NRG3: variants seen among roughly 807,000 people sequenced by gnomAD.
NRG3 encodes the protein pro-neuregulin-3, membrane-bound isoform.
NRG3 carries 31 observed loss-of-function variants against 66.9 expected under a neutral mutation model. The ratio of observed to expected loss-of-function variants is 0.46; its 90% confidence interval spans 0.35 to 0.63. The LOEUF is 0.63. Among genes scored for constraint, NRG3 ranks in the 20% least tolerant of loss-of-function variants. The pLI is 0.00. For missense variants in NRG3, 910 were observed against 878.9 expected, an observed-to-expected ratio of 1.04 and a Z score of -0.45; for synonymous variants, 393 against 359.4, an observed-to-expected ratio of 1.09 and a Z score of -1.06.
intron 1 of NRG3, among the ~76,000 whole-genome samples, chr10:82,342,958 A>G (rs1010529995): frequency 6.6e-6 from 1 of 152,076 alleles, no homozygotes; most frequent in Admixed American, 6.6e-5. Context: ...GGTAAGAGAT[A>G]TGGGTATGGT....
At chr10:82,267,806 T>C (rs2078380859) in intron 1 of NRG3, among the ~76,000 whole-genome samples, 1 of 152,144 alleles carries the variant, frequency 6.6e-6, no homozygotes, top group Non-Finnish European at 1.5e-5. Flanking sequence ...GCATTATCTC[T>C]GGAAAGAAGG....
At chr10:82,140,091 A>C (rs2069658809) in intron 1 of NRG3, among the ~76,000 whole-genome samples, 1 of 152,178 alleles carries the variant, frequency 6.6e-6, no homozygotes, top group Admixed American at 6.5e-5. Context: ...TCAGGCTAAG[A>C]CATCAGCAGT....
intron 6 of NRG3, among the ~76,000 whole-genome samples, chr10:82,965,026 T>C (rs10787519): frequency 0.36 from 55,331 of 152,046 alleles, 10,610 homozygotes; most frequent in East Asian, 0.66. Context: ...GCATTTGCAT[T>C]AGCCGGCACT....
intron 1 of NRG3, among the ~76,000 whole-genome samples, chr10:82,284,652 TA>T (rs1227892273): frequency 6.6e-6 from 1 of 152,236 alleles, no homozygotes; most frequent in Non-Finnish European, 1.5e-5. Flanking sequence ...TTCTCTCATT[TA>T]AAAAAATCTC....
intron 1 of NRG3, among the ~76,000 whole-genome samples, chr10:82,350,707 T>G (rs986981737): frequency 6.6e-6 from 1 of 152,178 alleles, no homozygotes; most frequent in African/African-American, 2.4e-5. Flanking sequence ...CCAGTATTAT[T>G]GGAGCTCAAG....
chr10:82,794,230 A>C (rs970223847), intron 3 of NRG3, among the ~76,000 whole-genome samples: 8 of 152,152 alleles, frequency 5.3e-5, no homozygotes, highest in African/African-American at 1.7e-4. Context: ...TGGTGGAAGA[A>C]AAACAAACTT....
intron 1 of NRG3, among the ~76,000 whole-genome samples, chr10:81,958,021 T>A (rs956781009): frequency 1.3e-5 from 2 of 152,196 alleles, no homozygotes; most frequent in Admixed American, 1.3e-4. Context: ...AGTAGTCAAC[T>A]ACTAGGGGTT....
At chr10:82,104,088 G>C (rs1389180321) in intron 1 of NRG3, among the ~76,000 whole-genome samples, 1 of 151,628 alleles carries the variant, frequency 6.6e-6, no homozygotes, top group East Asian at 1.9e-4. Context: ...CATACTGTTT[G>C]TTCTTCAATT....
intron 2 of NRG3, among the ~76,000 whole-genome samples, chr10:82,693,055 C>T (rs1246994009): frequency 1.3e-5 from 2 of 152,130 alleles, no homozygotes; most frequent in East Asian, 3.9e-4. Context: ...CCCCAGGTTG[C>T]CTCTGCCCAC....
chr10:82,404,528 C>T (rs2087355550), intron 2 of NRG3, among the ~76,000 whole-genome samples: 1 of 152,112 alleles, frequency 6.6e-6, no homozygotes, highest in Non-Finnish European at 1.5e-5. Context: ...ATCTTGCTAT[C>T]TCAATCATTA....
At chr10:82,753,004 G>A (rs1176409932) in intron 3 of NRG3, among the ~76,000 whole-genome samples, 2 of 152,170 alleles carry the variant, frequency 1.3e-5, no homozygotes, top group Non-Finnish European at 2.9e-5. Context: ...ACTTTAAGTA[G>A]TATATAGAAT....
At chr10:82,764,491 T>C (rs1450364366) in intron 3 of NRG3, among the ~76,000 whole-genome samples, 1 of 150,754 alleles carries the variant, frequency 6.6e-6, no homozygotes, top group East Asian at 2.0e-4. Context: ...GCCTCCCGAG[T>C]AGCTGAGATT....
rs924829675 is a variant in NRG3 at position 82,539,248 on chromosome 10, TTTGTGCAA to T, written c.953+180385_953+180392del. On this transcript the variant is annotated intron_variant, in intron 2 of 8. Transcript: ENST00000372141. ...TCTGCATGGACTGCATGATAAGGGTTTTGTGCAATTGTTAAAGCATGAGCTCTAACTTT... is the reference window on the plus strand; with the variant it reads ...TCTGCATGGACTGCATGATAAGGGTTTTGTTAAAGCATGAGCTCTAACTTT... 1.1e-3 allele frequency among the ~76,000 whole-genome samples: 168 copies of T among 152,334 alleles called. 1 individual carries two copies. The highest frequency in any genetic ancestry group is 3.7e-3 in the African/African-American group (155 of 41,582).
chr10:82,610,362 A>T (rs900696574), intron 2 of NRG3, among the ~76,000 whole-genome samples: 1 of 152,174 alleles, frequency 6.6e-6, no homozygotes, highest in African/African-American at 2.4e-5. Context: ...GGACCTCTTC[A>T]GGGGAACCAT....
intron 2 of NRG3, among the ~76,000 whole-genome samples, chr10:82,712,375 G>A (rs1932271): frequency 0.22 from 33,692 of 152,018 alleles, 3,964 homozygotes; most frequent in Middle Eastern, 0.35. Flanking sequence ...TGTTTCCGAC[G>A]TGAAAGGGAA....
chr10:82,313,562 G>A (rs946084605), intron 1 of NRG3, among the ~76,000 whole-genome samples: 17 of 152,026 alleles, frequency 1.1e-4, no homozygotes, highest in South Asian at 2.1e-4. Flanking sequence ...AGGACACCAG[G>A]AAACAGCTGC....
intron 1 of NRG3, among the ~76,000 whole-genome samples, chr10:82,329,437 GTTTT>G (rs529385530): frequency 5.3e-5 from 6 of 113,038 alleles, no homozygotes; most frequent in Admixed American, 9.0e-5. Flanking sequence ...TTCCTTCTTG[GTTTT>G]TTTTTTTTTT....
rs973445233 is a variant in NRG3 at position 82,061,121 on chromosome 10, G to A, written c.823+184958G>A. On this transcript the variant is annotated intron_variant, in intron 1 of 8. Transcript: ENST00000372141. ...TAATGCCAGCACTTTGGGAGGCAGAGGCGGGTGGATCACGAGGTCAGGAGT... is the reference window on the plus strand; with the variant it reads ...TAATGCCAGCACTTTGGGAGGCAGAAGCGGGTGGATCACGAGGTCAGGAGT... Among the ~76,000 whole-genome samples, 13 of 152,324 alleles carry A rather than the reference G, an allele frequency of 8.5e-5. No homozygotes were observed. In the East Asian group the frequency reaches 2.5e-3, roughly 29 times the overall value.
At chr10:82,134,494 A>G (rs2069174468) in intron 1 of NRG3, among the ~76,000 whole-genome samples, 2 of 152,110 alleles carry the variant, frequency 1.3e-5, no homozygotes, top group African/African-American at 2.4e-5. Context: ...CAGTTATCCC[A>G]GCATCATTTA....
Sources: allele counts gnomAD v4.1 joint callset (sites outside exome capture counted in the v4.1 genomes callset), GRCh38; gene constraint gnomAD v4.1.1; transcripts MANE v1.5; gene names NCBI Gene and HGNC (gene_info 2026-07-23, HGNC 2026-07-21).